Variants in CENPP observed in about 807,000 individuals in gnomAD.
CENPP encodes the protein centromere protein P.
CENPP carries 24 observed loss-of-function variants against 35.6 expected under a neutral mutation model. The ratio of observed to expected loss-of-function variants is 0.67; its 90% CI spans 0.49 to 0.95. The LOEUF (loss-of-function observed/expected upper bound fraction) is 0.95, where lower values mean the gene tolerates loss of function less well. CENPP is among the 40% of genes least tolerant of loss of function. The probability of loss-of-function intolerance (pLI) is 0.00; values close to 1 mark genes in which losing one functional copy is unlikely to be tolerated. For synonymous variants in CENPP, 120 were observed against 125.5 expected, an observed-to-expected ratio of 0.96 and a Z score of 0.29; for missense variants, 332 against 345.3, an observed-to-expected ratio of 0.96 and a Z score of 0.31.
chr9:92,426,361 T>A (rs1843967123), intron 5 of CENPP, among the ~76,000 whole-genome samples: 1 of 152,182 alleles, frequency 6.6e-6, no homozygotes, highest in Non-Finnish European at 1.5e-5. Context: ...AAGGCCCTCC[T>A]GAGACCTGCT....
intron 3 of CENPP, among the ~76,000 whole-genome samples, chr9:92,339,234 A>G (rs560406563): frequency 1.1e-4 from 17 of 152,360 alleles, no homozygotes; most frequent in African/African-American, 4.1e-4. Context: ...GTCATGTGCC[A>G]GGATTCCTTA....
At chr9:92,561,273 A>G (rs1031159339) in intron 5 of CENPP, among the ~76,000 whole-genome samples, 16 of 152,178 alleles carry the variant, frequency 1.1e-4, no homozygotes, top group Non-Finnish European at 2.1e-4. Context: ...ACAAACTACC[A>G]TCCCTGTTCC....
At chr9:92,427,773 C>G (rs1179814949) in intron 5 of CENPP, among the ~76,000 whole-genome samples, 1 of 152,204 alleles carries the variant, frequency 6.6e-6, no homozygotes, top group Non-Finnish European at 1.5e-5. Context: ...AGCCACCATG[C>G]CCTGACTATT....
chr9:92,386,209 G>C, intron 5 of CENPP: 1 of 1,602,502 alleles, frequency 6.2e-7, no homozygotes, highest in South Asian at 1.1e-5. Flanking sequence ...ACCTGAAGAT[G>C]AATTACACGT....
chr9:92,451,317 C>G (rs1386309957), intron 5 of CENPP, among the ~76,000 whole-genome samples: 1 of 147,492 alleles, frequency 6.8e-6, no homozygotes, highest in Non-Finnish European at 1.5e-5. Flanking sequence ...CTGCATATGG[C>G]TAGCCAGTTT....
rs1848145049 is a variant in CENPP at position 92,522,584 on chromosome 9, C to T, written c.565-88730C>T. ...CATAGTGTTCTCTTACCTGGTAACA[C>T]ATTATAACTTGATTCTACTCCAGGA... On this transcript the variant is annotated intron_variant, in intron 5 of 7. Coordinates refer to ENST00000375587, the MANE Select transcript of CENPP (RefSeq NM_001012267.3). 1.9e-6 allele frequency: 3 copies of T among 1,611,214 alleles called. No homozygotes were observed. The South Asian group carries it at 3.3e-5, about 18-fold the overall frequency.
intron 5 of CENPP, among the ~76,000 whole-genome samples, chr9:92,436,669 T>C (rs1844252848): frequency 6.6e-6 from 1 of 152,200 alleles, no homozygotes; most frequent in Admixed American, 6.5e-5. Flanking sequence ...CTTTGGTGCC[T>C]ATGTCAAAAA....
intron 5 of CENPP, among the ~76,000 whole-genome samples, chr9:92,406,406 C>T (rs866445924): frequency 2.6e-5 from 4 of 152,248 alleles, no homozygotes; most frequent in Middle Eastern, 3.4e-3. Flanking sequence ...CCAGTGATGG[C>T]TTAAATATGA....
chr9:92,521,420 C>T (rs1333274592), intron 5 of CENPP, among the ~76,000 whole-genome samples: 1 of 152,098 alleles, frequency 6.6e-6, no homozygotes, highest in African/African-American at 2.4e-5. Flanking sequence ...TTTTCCCAAT[C>T]ATGTTGTAAG....
At chr9:92,365,690 C>T (rs558859314) in intron 4 of CENPP, among the ~76,000 whole-genome samples, 95 of 151,644 alleles carry the variant, frequency 6.3e-4, no homozygotes, top group African/African-American at 2.1e-3. Context: ...GGATTATAGG[C>T]GTGAGCCACT....
At chr9:92,549,504 G>A (rs1333457984) in intron 5 of CENPP, among the ~76,000 whole-genome samples, 1 of 152,094 alleles carries the variant, frequency 6.6e-6, no homozygotes, top group Non-Finnish European at 1.5e-5. Context: ...AAAATTAGCT[G>A]GGCGTTGTGG....
chr9:92,342,822 C>T (rs2130798255), intron 3 of CENPP, among the ~76,000 whole-genome samples: 1 of 151,956 alleles, frequency 6.6e-6, no homozygotes, highest in South Asian at 2.1e-4. Flanking sequence ...ATATTCTATA[C>T]CAACTTGTGT....
chr9:92,444,445 T>C (rs1046522729), intron 5 of CENPP, among the ~76,000 whole-genome samples: 1 of 152,284 alleles, frequency 6.6e-6, no homozygotes, highest in Admixed American at 6.5e-5. Flanking sequence ...TATGAGCTTT[T>C]TTTTTTTTAC....
intron 5 of CENPP, among the ~76,000 whole-genome samples, chr9:92,428,478 A>T (rs763007122): frequency 6.6e-6 from 1 of 152,180 alleles, no homozygotes; most frequent in Non-Finnish European, 1.5e-5. Context: ...AGAACCACTG[A>T]TGTAAATACT....
chr9:92,393,061 A>G, intron 5 of CENPP: 1 of 1,592,682 alleles, frequency 6.3e-7, no homozygotes, highest in Non-Finnish European at 8.6e-7. Context: ...AGTTAATACT[A>G]ATATCATATT....
chr9:92,415,277 T>C, intron 5 of CENPP: 3 of 1,613,804 alleles, frequency 1.9e-6, no homozygotes, highest in Non-Finnish European at 2.5e-6. Context: ...GGAAATCTCC[T>C]GAAAACTTGT....
chr9:92,611,585 G>A (rs1349649685), intron 6 of CENPP, among the ~76,000 whole-genome samples, 192 bp downstream of exon 6: 1 of 152,184 alleles, frequency 6.6e-6, no homozygotes, highest in Non-Finnish European at 1.5e-5. Flanking sequence ...TGGAGGATGT[G>A]CTGGGCCGCA....
intron 2 of CENPP, among the ~76,000 whole-genome samples, 156 bp downstream of exon 2, chr9:92,332,507 C>G (rs369459433): frequency 6.6e-6 from 1 of 152,174 alleles, no homozygotes; most frequent in Non-Finnish European, 1.5e-5. Flanking sequence ...TTGAACATCA[C>G]GGTGTTCAAA....
At chr9:92,382,714 T>C (rs776567033) in intron 5 of CENPP, among the ~76,000 whole-genome samples, 5 of 152,080 alleles carry the variant, frequency 3.3e-5, no homozygotes, top group Non-Finnish European at 7.4e-5. Flanking sequence ...CATTCTTTTG[T>C]ATATGGATAT....
Sources: allele counts gnomAD v4.1 joint callset (sites outside exome capture counted in the v4.1 genomes callset), GRCh38; gene constraint gnomAD v4.1.1; transcripts MANE v1.5; gene names NCBI Gene and HGNC (gene_info 2026-07-23, HGNC 2026-07-21).